AGAP1: variants seen among roughly 807,000 people sequenced by gnomAD.
AGAP1 encodes arf-GAP with GTPase, ANK repeat and PH domain-containing protein 1.
AGAP1 carries 29 observed loss-of-function variants against 105.3 expected under a neutral mutation model. The observed-to-expected ratio is 0.28, with a 90% CI of 0.21 to 0.38. The LOEUF (loss-of-function observed/expected upper bound fraction) is 0.38, where lower values mean the gene tolerates loss of function less well. Among genes scored for constraint, AGAP1 ranks in the 10% least tolerant of loss-of-function variants. The probability of loss-of-function intolerance (pLI) is 1.00; values close to 1 mark genes in which losing one functional copy is unlikely to be tolerated. For synonymous variants in AGAP1, 509 were observed against 485.9 expected (o/e 1.05, Z -0.63); for missense variants, 998 against 1,165.1 (o/e 0.86, Z 2.09).
chr2:235,583,811 T>C (rs2149195227), intron 1 of AGAP1, among the ~76,000 whole-genome samples: 1 of 151,330 alleles, frequency 6.6e-6, no homozygotes. Context: ...GAGGCAGAGG[T>C]TGCAGTGAGC....
Position 235,930,815 on chromosome 2 carries a change from G to T in AGAP1, c.1375G>T (p.Val459Phe). The T allele has an allele frequency of 1.2e-6, 2 of 1,614,038 alleles. No individual in the cohort carries two copies. Among genetic ancestry groups the T allele is most frequent in the Non-Finnish European group, 1.7e-6 (2 of 1,180,000 alleles). The change falls in exon 12 of 18, where the codon GTC (valine) becomes TTC (phenylalanine). Residue 459 changes from valine (V) to phenylalanine (F), a missense_variant. Val to Phe is a conservative substitution (Grantham distance 50, BLOSUM62 -1). Coordinates refer to ENST00000304032, the MANE Select transcript of AGAP1 (RefSeq NM_001037131.3). This position sits in a 1 kb window ranked among gnomAD's most constrained non-coding sequence, Gnocchi z 7.9. ...TCAGATGGCAAGCGGCATCAGCCTG[G>T]TCTCCTTCAACAGCCGACCCGACGG... ...GSQMASGISL[V>F]SFNSRPDGMH...
At chr2:235,938,953 G>A (rs980713230) in intron 12 of AGAP1, among the ~76,000 whole-genome samples, 10 of 152,184 alleles carry the variant, frequency 6.6e-5, no homozygotes, top group Non-Finnish European at 1.0e-4. Context: ...TTTGGCCTGG[G>A]ATGGAACCCA....
Position 236,009,770 on chromosome 2 carries a change from C to T in AGAP1, c.1646-26791C>T, listed in dbSNP as rs2125555456. ...TTAGCCGTCCCTGCTCGGTTCACGC[C>T]AAGGATGTAATTCATGCACACTTGG... On this transcript the variant is annotated intron_variant, in intron 13 of 17. Transcript: ENST00000304032. The surrounding 1 kb of genome is among the most constrained non-coding windows in gnomAD (Gnocchi z 4.2). Among the ~76,000 whole-genome samples the T allele has an allele frequency of 6.6e-6, 1 of 152,288 alleles. No individual in the cohort carries two copies. Among genetic ancestry groups the T allele is most frequent in the South Asian group, 2.1e-4 (1 of 4,822 alleles).
intron 1 of AGAP1, chr2:235,670,198 G>T: frequency 1.7e-6 from 1 of 582,628 alleles, no homozygotes; most frequent in South Asian, 1.8e-5. Flanking sequence ...GCATCTCCGT[G>T]ACCATGGTCA....
intron 3 of AGAP1, among the ~76,000 whole-genome samples, chr2:235,730,880 CT>C (rs1340499535): frequency 1.3e-5 from 2 of 152,096 alleles, no homozygotes; most frequent in Non-Finnish European, 2.9e-5. Context: ...CATTATGTGA[CT>C]ATTTTTTTCT....
At chr2:235,911,521 G>A (rs562727430) in intron 11 of AGAP1, among the ~76,000 whole-genome samples, 7 of 152,230 alleles carry the variant, frequency 4.6e-5, no homozygotes, top group Non-Finnish European at 8.8e-5. Context: ...TCCTAATCTT[G>A]AGATTTATGT....
chr2:235,968,415 A>G (rs759616836), intron 12 of AGAP1, 47 bp from the exon 13 acceptor site: 2 of 1,527,038 alleles, frequency 1.3e-6, no homozygotes. Context: ...GTAAGTGCTC[A>G]CTCTGCATTT....
At chr2:236,118,572 A>G (rs1490949314) in intron 16 of AGAP1, among the ~76,000 whole-genome samples, 3 of 151,710 alleles carry the variant, frequency 2.0e-5, no homozygotes, top group Non-Finnish European at 2.9e-5. Flanking sequence ...TATTTTTAGT[A>G]GAGACAGGGT....
chr2:236,054,468 T>C (rs1326011420), intron 16 of AGAP1, among the ~76,000 whole-genome samples: 1 of 132,080 alleles, frequency 7.6e-6, no homozygotes, highest in South Asian at 2.7e-4. Flanking sequence ...CACCTTTTCC[T>C]ATTTTCTTTC....
At position 236,042,783 on chromosome 2, in the gene AGAP1, A is replaced by G. The variant is rs1301647383; in HGVS notation, c.1891+1942A>G. On this transcript the variant is annotated intron_variant, in intron 15 of 17. Transcript: ENST00000304032. The surrounding 1 kb of genome is among the most constrained non-coding windows in gnomAD (Gnocchi z 5.6). ...GTTCTGAGCAAGACCACCTGAGCAG[A>G]TGGACAGGGACAAAGGGAAAAGGCA... 6.6e-6 allele frequency among the ~76,000 whole-genome samples: 1 copy of G among 152,186 alleles called. No individual in the cohort carries two copies. The highest frequency in any genetic ancestry group is 2.4e-5 in the African/African-American group (1 of 41,458).
chr2:235,531,536 A>G (rs2149074808), intron 1 of AGAP1, among the ~76,000 whole-genome samples: 1 of 151,384 alleles, frequency 6.6e-6, no homozygotes, highest in Non-Finnish European at 1.5e-5. Flanking sequence ...TGATTCATAC[A>G]TGTGTCCTCG....
chr2:235,494,668 C>CGCGCGGCTCG lies in AGAP1; in HGVS notation c.-18_-17insCGCGGCTCGG. ...GGCGGCGGCGGGGGGCGCGCGGCTC[C>CGCGCGGCTCG]GGGCGCGGCGCCTGCACCATGAACT... On this transcript the variant is annotated 5_prime_UTR_variant, in exon 1 of 18. Coordinates refer to ENST00000304032, the MANE Select transcript of AGAP1 (RefSeq NM_001037131.3). The CGCGCGGCTCG allele has an allele frequency of 1.6e-6, 2 of 1,214,940 alleles. No individual in the cohort carries two copies. Among genetic ancestry groups the CGCGCGGCTCG allele is most frequent in the Non-Finnish European group, 2.1e-6 (2 of 951,474 alleles). The allele number at this position is 1,214,940 out of a possible 1,614,324, so 75.3% of individuals were successfully genotyped here.
intron 13 of AGAP1, among the ~76,000 whole-genome samples, chr2:235,986,590 A>G (rs1478213473): frequency 6.6e-6 from 1 of 152,196 alleles, no homozygotes; most frequent in South Asian, 2.1e-4. Context: ...CACATTAAAT[A>G]TGATATTGCC....
intron 16 of AGAP1, among the ~76,000 whole-genome samples, chr2:236,081,668 GT>G (rs35088277): frequency 0.062 from 8,316 of 135,080 alleles, 280 homozygotes; most frequent in East Asian, 0.17. Context: ...AGTTCTGTGG[GT>G]TTTTTTTTTT....
chr2:235,538,427 A>ATGTGTGTGTGTGTGTT (rs1943313532), intron 1 of AGAP1, among the ~76,000 whole-genome samples: 1 of 135,334 alleles, frequency 7.4e-6, no homozygotes, highest in African/African-American at 2.8e-5. Flanking sequence ...CTCAGCCACT[A>ATGTGTGTGTGTGTGTT]TGTGTGTGTG....
chr2:235,606,609 A>G (rs185219156), intron 1 of AGAP1, among the ~76,000 whole-genome samples: 65 of 152,330 alleles, frequency 4.3e-4, no homozygotes, highest in Admixed American at 3.3e-3. Flanking sequence ...CAGAACTTCA[A>G]AGAAAGAAGG....
intron 6 of AGAP1, among the ~76,000 whole-genome samples, chr2:235,794,579 CT>C (rs1305193065): frequency 6.6e-6 from 1 of 152,162 alleles, no homozygotes; most frequent in Admixed American, 6.5e-5. Context: ...TCAAGTGATT[CT>C]CGTGCCTCAG....
intron 16 of AGAP1, among the ~76,000 whole-genome samples, chr2:236,093,907 G>C (rs904551570): frequency 5.3e-5 from 8 of 152,218 alleles, no homozygotes; most frequent in Admixed American, 2.6e-4. Context: ...GTTTCTCTGA[G>C]AAACATATAA....
chr2:235,772,553 C>A (rs1014657005), intron 6 of AGAP1, among the ~76,000 whole-genome samples: 3 of 152,182 alleles, frequency 2.0e-5, no homozygotes, highest in African/African-American at 7.2e-5. Context: ...CAGAGTCCTC[C>A]CATTCATGGT....
Sources: allele counts gnomAD v4.1 joint callset (sites outside exome capture counted in the v4.1 genomes callset), GRCh38; gene constraint gnomAD v4.1.1; non-coding constraint Gnocchi (gnomAD v3.1); transcripts MANE v1.5; gene names NCBI Gene and HGNC (gene_info 2026-07-23, HGNC 2026-07-21).